Variants in PRDM16 observed in about 807,000 individuals in gnomAD.
The protein encoded by PRDM16 is histone-lysine N-methyltransferase PRDM16.
In PRDM16, 23 loss-of-function variants were observed where a neutral mutation model predicts 110.6. The observed-to-expected ratio is 0.21, with a 90% CI of 0.15 to 0.29. The LOEUF is 0.29. Ranked by LOEUF, PRDM16 falls within the 10% of genes least tolerant of loss-of-function variation. PRDM16 has a pLI of 1.00. For missense variants in PRDM16, 1,615 were observed against 1,794.3 expected (o/e 0.90, Z 1.81); for synonymous variants, 799 against 781.8 (o/e 1.02, Z -0.37).
intron 1 of PRDM16, among the ~76,000 whole-genome samples, chr1:3,089,944 G>A (rs915601531): frequency 1.0e-4 from 14 of 135,582 alleles, no homozygotes; most frequent in Admixed American, 7.4e-4. Context: ...ATTCATTCCT[G>A]CCACAGTTCC....
chr1:3,426,516 G>A (rs1427147732), intron 14 of PRDM16, among the ~76,000 whole-genome samples: 4 of 152,096 alleles, frequency 2.6e-5, no homozygotes, highest in African/African-American at 9.7e-5. Context: ...GACCGAGCCG[G>A]GCACAAGTTC....
At chr1:3,372,064 G>T (rs550748323) in intron 3 of PRDM16, among the ~76,000 whole-genome samples, 1 of 152,344 alleles carries the variant, frequency 6.6e-6, no homozygotes, top group East Asian at 1.9e-4. Flanking sequence ...CACTCCCTGT[G>T]TGCAGCCTGC....
rs939615106 is a variant in PRDM16 at position 3,213,341 on chromosome 1, CCTAA to C, written c.387+26871_387+26874del. 2.0e-4 allele frequency among the ~76,000 whole-genome samples: 31 copies of C among 151,682 alleles called. No individual in the cohort carries two copies. The highest frequency in any genetic ancestry group is 1.6e-3 in the Admixed American group (25 of 15,220). On this transcript the variant is annotated intron_variant, in intron 2 of 16. Transcript: ENST00000270722. The surrounding 1 kb of genome is among the most constrained non-coding windows in gnomAD (Gnocchi z 5.3). The stretch of plus-strand genomic sequence containing the variant: ...TGCTTAATTTGCTGACACAAATCAC[CCTAA>C]CTATTTTGCTGGGGAGAGGGGTGTG...
chr1:3,398,601 C>A (rs1477810888), intron 5 of PRDM16, among the ~76,000 whole-genome samples: 3 of 152,240 alleles, frequency 2.0e-5, no homozygotes, highest in Admixed American at 1.3e-4. Context: ...TACGTAGACG[C>A]CACTTAATTG....
At chr1:3,093,375 C>T (rs1642320297) in intron 1 of PRDM16, among the ~76,000 whole-genome samples, 2 of 152,200 alleles carry the variant, frequency 1.3e-5, no homozygotes. Context: ...CAGGGTGCAA[C>T]ATGGTCAGAC....
intron 10 of PRDM16, among the ~76,000 whole-genome samples, chr1:3,415,062 G>A (rs1643756717): frequency 6.6e-6 from 1 of 152,228 alleles, no homozygotes; most frequent in Non-Finnish European, 1.5e-5. Context: ...TGGACCGGAA[G>A]AGAGGAAGGG....
At chr1:3,152,130 C>T (rs1319381350) in intron 1 of PRDM16, among the ~76,000 whole-genome samples, 1 of 152,160 alleles carries the variant, frequency 6.6e-6, no homozygotes, top group East Asian at 1.9e-4. Context: ...TGGCTGGAGT[C>T]CCTGCTGTGG....
In PRDM16 at chr1:3,404,645, G is replaced by A. The variant is rs775699626; in HGVS notation, c.885-94G>A. 3.6e-4 allele frequency: 542 copies of A among 1,499,734 alleles called. 2 individuals carry two copies. Among genetic ancestry groups the A allele is most frequent in the South Asian group, 8.5e-4 (71 of 83,584 alleles). 92.9% of individuals were successfully genotyped at this position (1,499,734 alleles called of 1,614,324 possible). A position where few individuals can be genotyped will look rare whatever the true frequency, so the allele number is the denominator to read the frequency against. ...CCCTCGGCAGCGTGGTGGGGGCTCC[G>A]AAGGGGCACTGGGAACAAGCTGTAT... is the stretch of plus-strand genomic sequence containing the variant. On this transcript the variant is annotated intron_variant, in intron 6 of 16. Transcript: ENST00000270722.
At chr1:3,195,345 G>A (rs1427375316) in intron 2 of PRDM16, among the ~76,000 whole-genome samples, 1 of 152,106 alleles carries the variant, frequency 6.6e-6, no homozygotes, top group Non-Finnish European at 1.5e-5. Context: ...TCGGAGGCAC[G>A]GGTATATAAG....
At chr1:3,362,011 G>T (rs1384718190) in intron 3 of PRDM16, among the ~76,000 whole-genome samples, 3 of 151,952 alleles carry the variant, frequency 2.0e-5, no homozygotes, top group Non-Finnish European at 4.4e-5. Flanking sequence ...GGCCCAGGAG[G>T]GCAGGTGGTG....
At chr1:3,262,170 G>A (rs1640177884) in intron 3 of PRDM16, among the ~76,000 whole-genome samples, 1 of 152,246 alleles carries the variant, frequency 6.6e-6, no homozygotes, top group South Asian at 2.1e-4. Flanking sequence ...ACACAGCAGT[G>A]AGGGGCATTG....
At chr1:3,411,221 C>T (rs535868054) in intron 8 of PRDM16, among the ~76,000 whole-genome samples, 163 bp from the exon 9 acceptor site, 4 of 152,224 alleles carry the variant, frequency 2.6e-5, no homozygotes, top group Non-Finnish European at 5.9e-5. Context: ...GCACAGTACA[C>T]ACATATACAC....
chr1:3,328,124 C>T (rs1166499822), intron 3 of PRDM16, among the ~76,000 whole-genome samples: 4 of 152,218 alleles, frequency 2.6e-5, no homozygotes, highest in African/African-American at 9.6e-5. Context: ...AGGCCCCTGC[C>T]GGGCCAAGTG....
intron 3 of PRDM16, among the ~76,000 whole-genome samples, chr1:3,281,810 C>G (rs970547762): frequency 6.6e-6 from 1 of 152,242 alleles, no homozygotes; most frequent in Non-Finnish European, 1.5e-5. Flanking sequence ...ATGGTCCGAT[C>G]GATGAGTTGC....
In PRDM16 at chr1:3,411,738, T is replaced by C. The variant is rs983906742; in HGVS notation, c.1541T>C (p.Phe514Ser). Reference protein sequence around the residue: ...PPTFPALTPGFPGIFPPSLYP... With the variant: ...PPTFPALTPGSPGIFPPSLYP... ...ACGTTCCCCGCACTCACCCCCGGCT[T>C]CCCGGGCATCTTCCCTCCATCCTTG... Residue 514 changes from phenylalanine (F) to serine (S), a missense_variant, in exon 9 of 17, where the codon TTC (phenylalanine) becomes TCC (serine). Coordinates refer to ENST00000270722, the MANE Select transcript of PRDM16 (RefSeq NM_022114.4). 1.6e-5 allele frequency: 26 copies of C among 1,611,756 alleles called. No homozygotes were observed. Among genetic ancestry groups the C allele is most frequent in the Non-Finnish European group, 2.1e-5 (25 of 1,179,012 alleles).
intron 3 of PRDM16, among the ~76,000 whole-genome samples, chr1:3,376,181 G>C (rs886937284): frequency 6.6e-6 from 1 of 152,188 alleles, no homozygotes; most frequent in Non-Finnish European, 1.5e-5. Flanking sequence ...GTGACCCCTG[G>C]GGGCTTCCAC....
intron 2 of PRDM16, among the ~76,000 whole-genome samples, chr1:3,223,901 G>A (rs894537342): frequency 4.6e-5 from 7 of 152,186 alleles, no homozygotes; most frequent in Admixed American, 3.9e-4. Context: ...GCAGATGAAC[G>A]AGGAAGACAG....
At position 3,398,281 on chromosome 1, in the gene PRDM16, T is replaced by A. The variant is rs1323018432; in HGVS notation, c.676+1688T>A. On this transcript the variant is annotated intron_variant, in intron 5 of 16. Coordinates refer to ENST00000270722, the MANE Select transcript of PRDM16 (RefSeq NM_022114.4). ...CTCCAGCCCCTGATATTAAATAACCTGGGTCTACATTTTCCTAATAATTTA... is the reference window on the plus strand; with the variant it reads ...CTCCAGCCCCTGATATTAAATAACCAGGGTCTACATTTTCCTAATAATTTA... 2.6e-5 allele frequency among the ~76,000 whole-genome samples: 4 copies of A among 152,290 alleles called. No homozygotes were observed. The East Asian group carries it at 7.7e-4, about 29-fold the overall frequency.
intron 1 of PRDM16, among the ~76,000 whole-genome samples, chr1:3,134,287 A>C (rs1187430992): frequency 6.6e-6 from 1 of 152,178 alleles, no homozygotes; most frequent in Non-Finnish European, 1.5e-5. Flanking sequence ...GCTTCCCTGG[A>C]ACATAGTGCC....
Sources: allele counts gnomAD v4.1 joint callset (sites outside exome capture counted in the v4.1 genomes callset), GRCh38; gene constraint gnomAD v4.1.1; non-coding constraint Gnocchi (gnomAD v3.1); transcripts MANE v1.5; gene names NCBI Gene and HGNC (gene_info 2026-07-23, HGNC 2026-07-21).